PPP1R36: variants seen among roughly 807,000 people sequenced by gnomAD.
The protein encoded by PPP1R36 is protein phosphatase 1 regulatory subunit 36.
Under a neutral mutation model 53.4 loss-of-function variants are expected in PPP1R36, and 47 were observed. That is an observed-to-expected ratio of 0.88 (90% confidence interval 0.70 to 1.12). The LOEUF is 1.12. Among genes scored for constraint, PPP1R36 ranks in the 50% most tolerant of loss-of-function variants. PPP1R36 has a pLI of 0.00. For synonymous variants in PPP1R36, 153 were observed against 170.5 expected (o/e 0.90, Z 0.80); for missense variants, 456 against 513.9 (o/e 0.89, Z 1.09).
intron 8 of PPP1R36, chr14:64,586,298 G>C (rs2080433234): frequency 6.6e-6 from 1 of 152,342 alleles, no homozygotes; most frequent in Admixed American, 6.5e-5. Context: ...CATTGAATTT[G>C]TGTTGCAAGG....
chr14:64,571,047 C>T (rs900081141), intron 7 of PPP1R36, among the ~76,000 whole-genome samples: 5 of 152,198 alleles, frequency 3.3e-5, no homozygotes, highest in African/African-American at 1.2e-4. Flanking sequence ...ATCAACTGCA[C>T]TGTTTTCCAG....
chr14:64,564,803 C>A lies in PPP1R36; in HGVS notation c.235C>A (p.His79Asn). 6.2e-7 allele frequency: 1 copy of A among 1,610,316 alleles called. No individual in the cohort carries two copies. The highest frequency in any genetic ancestry group is 1.1e-5 in the South Asian group (1 of 90,542). Residue 79 changes from histidine (H) to asparagine (N), a missense_variant, in exon 4 of 12, where the codon CAC becomes AAC. Transcript: ENST00000298705. ...AAAAGGAAAGAAAGGCAAAGCAGTT[C>A]ACTTTGCAGAAACTGATGGTCCAGC... ...KEKGKKGKAV[H>N]FAETDGPASD... is the part of the protein sequence containing the mutation.
intron 8 of PPP1R36, among the ~76,000 whole-genome samples, chr14:64,579,662 G>A (rs1372013885): frequency 6.6e-6 from 1 of 152,130 alleles, no homozygotes; most frequent in Non-Finnish European, 1.5e-5. Context: ...AGAAAACTAG[G>A]ATTTAAGGTT....
chr14:64,550,210 C>A, intron 1 of PPP1R36, 144 bp downstream of exon 1: 1 of 1,408,020 alleles, frequency 7.1e-7, no homozygotes, highest in Non-Finnish European at 9.2e-7. Flanking sequence ...AGACACCTGG[C>A]CATATTTGCC....
intron 7 of PPP1R36, among the ~76,000 whole-genome samples, chr14:64,571,192 C>T (rs1298931139): frequency 6.6e-6 from 1 of 152,202 alleles, no homozygotes; most frequent in Non-Finnish European, 1.5e-5. Flanking sequence ...GTGGCACAAT[C>T]TCGGCTCACT....
rs750218745 is a variant in PPP1R36 at position 64,587,166 on chromosome 14, C to G, written c.712-28C>G. 10 of 1,557,552 alleles carry G rather than the reference C, an allele frequency of 6.4e-6. No homozygotes were observed. The South Asian group carries it at 1.2e-4, about 18-fold the overall frequency. ...AGTTTTCCATTTCACAGCTAAGGATCGTGATTCTTGTCTATTTTTTGTTGT... is the reference window on the plus strand; with the variant it reads ...AGTTTTCCATTTCACAGCTAAGGATGGTGATTCTTGTCTATTTTTTGTTGT... On this transcript the variant is annotated intron_variant, in intron 9 of 11. Coordinates refer to ENST00000298705, the MANE Select transcript of PPP1R36 (RefSeq NM_172365.3).
In PPP1R36 at chr14:64,557,521, A is replaced by G. The variant is rs148373596; in HGVS notation, c.182+4660A>G. ...TCCTTAATATCATATATTCAGTTAT[A>G]GTCATTTGGTATTCAAATGTCCCCT... is the stretch of plus-strand genomic sequence containing the variant. On this transcript the variant is annotated intron_variant, in intron 3 of 11. Coordinates refer to ENST00000298705, the MANE Select transcript of PPP1R36 (RefSeq NM_172365.3). Among the ~76,000 whole-genome samples the G allele has an allele frequency of 1.5e-4, 23 of 152,348 alleles. No individual in the cohort carries two copies. In the East Asian group the frequency reaches 4.2e-3, roughly 28 times the overall value.
In PPP1R36 at chr14:64,588,051, C is replaced by T. The variant is rs2080450092; in HGVS notation, c.891-53C>T. The T allele has an allele frequency of 2.0e-6, 3 of 1,504,312 alleles. No homozygotes were observed. The Admixed American group carries it at 5.9e-5, about 30-fold the overall frequency. 93.2% of individuals were successfully genotyped at this position (1,504,312 alleles called of 1,614,324 possible). ...GAGCCACTGCACCTGGCCTCAAGAA[C>T]ATTTCTAGAAAACAGGGTGATATGA... On this transcript the variant is annotated intron_variant, in intron 10 of 11. Transcript: ENST00000298705.
intron 7 of PPP1R36, among the ~76,000 whole-genome samples, chr14:64,573,913 C>CAAAA (rs35427371): frequency 7.4e-4 from 24 of 32,534 alleles, no homozygotes; most frequent in Admixed American, 1.3e-3. Context: ...GACTCTGTCT[C>CAAAA]AAAAAAAAAA....
chr14:64,588,359 G>A, intron 11 of PPP1R36, 64 bp downstream of exon 11: 1 of 1,446,058 alleles, frequency 6.9e-7, no homozygotes, highest in Non-Finnish European at 9.4e-7. Context: ...GGCTGGAAGG[G>A]GCAGGGGCCC....
chr14:64,572,524 C>CT (rs1344477963), intron 7 of PPP1R36, among the ~76,000 whole-genome samples: 2 of 151,692 alleles, frequency 1.3e-5, no homozygotes, highest in Non-Finnish European at 2.9e-5. Context: ...TAGCTTTTTC[C>CT]TTTTTTTTCC....
intron 6 of PPP1R36, among the ~76,000 whole-genome samples, chr14:64,567,958 C>A (rs1280372331): frequency 6.6e-6 from 1 of 152,056 alleles, no homozygotes; most frequent in Non-Finnish European, 1.5e-5. Flanking sequence ...CTGGCCCATA[C>A]CAAACTCTTA....
rs949422007 is a variant in PPP1R36 at position 64,561,741 on chromosome 14, T to C, written c.183-3010T>C. On this transcript the variant is annotated intron_variant, in intron 3 of 11. Transcript: ENST00000298705. The stretch of plus-strand genomic sequence containing the variant: ...TCTAGGTTGGCCCATGAGGCAGACT[T>C]TTCTCTCTGACATAGTACCTGCTAT... 40 of 455,494 alleles carry C rather than the reference T, an allele frequency of 8.8e-5. No homozygotes were observed. The Admixed American group carries it at 9.2e-4, about 10-fold the overall frequency. The allele number at this position is 455,494 out of a possible 1,614,324, so 28.2% of individuals were successfully genotyped here.
chr14:64,581,985 C>T (rs1596746446), intron 8 of PPP1R36, among the ~76,000 whole-genome samples: 1 of 152,150 alleles, frequency 6.6e-6, no homozygotes, highest in Non-Finnish European at 1.5e-5. Context: ...GCTCCACCCC[C>T]GCCTCTACGC....
At chr14:64,571,659 A>C (rs1179811672) in intron 7 of PPP1R36, among the ~76,000 whole-genome samples, 1 of 152,158 alleles carries the variant, frequency 6.6e-6, no homozygotes, top group Non-Finnish European at 1.5e-5. Flanking sequence ...CTTAAACAAT[A>C]CCTGACCGTA....
intron 7 of PPP1R36, among the ~76,000 whole-genome samples, chr14:64,574,020 C>G (rs780121141): frequency 2.0e-5 from 3 of 149,438 alleles, no homozygotes; most frequent in Non-Finnish European, 3.0e-5. Flanking sequence ...TTTCCTATAC[C>G]ATTGCTTAAA....
chr14:64,588,311 A>C lies in PPP1R36; in HGVS notation c.1082+16A>C. The stretch of plus-strand genomic sequence containing the variant: ...CCATGCCGGTGTAAGTGGCTTGGCA[A>C]GAGAAGCATGAGTGCCTTGAGGTGG... On this transcript the variant is annotated intron_variant, in intron 11 of 11. Transcript: ENST00000298705. 1.3e-6 allele frequency: 2 copies of C among 1,586,950 alleles called. No homozygotes were observed. Among genetic ancestry groups the C allele is most frequent in the Non-Finnish European group, 1.7e-6 (2 of 1,162,960 alleles).
intron 7 of PPP1R36, among the ~76,000 whole-genome samples, chr14:64,569,830 T>A (rs2080289306): frequency 6.6e-6 from 1 of 151,010 alleles, no homozygotes; most frequent in South Asian, 2.1e-4. Context: ...CGTCCACCGC[T>A]CAGGTTCAAG....
At chr14:64,559,520 C>T (rs2080187136) in intron 3 of PPP1R36, 1 of 152,292 alleles carries the variant, frequency 6.6e-6, no homozygotes, top group Non-Finnish European at 1.5e-5. Flanking sequence ...GATATCTAAG[C>T]TACGACCTGA....
Sources: gnomAD v4.1 joint callset for allele counts (sites outside exome capture counted in the v4.1 genomes callset) on GRCh38, gnomAD v4.1.1 for gene constraint, MANE v1.5 for transcripts, NCBI Gene and HGNC (gene_info 2026-07-23, HGNC 2026-07-21) for gene names.